GPR89B: variants seen among roughly 807,000 people sequenced by gnomAD.
GPR89B encodes the protein G protein-coupled receptor 89B.
GPR89B carries 25 observed loss-of-function variants against 52.4 expected under a neutral mutation model. The observed-to-expected ratio is 0.48, with a 90% CI of 0.35 to 0.67. The LOEUF is 0.67. Ranked by LOEUF, GPR89B falls within the 30% of genes least tolerant of loss-of-function variation. The pLI is 0.01. For missense variants in GPR89B, 146 were observed against 450.2 expected (o/e 0.32, Z 6.11); for synonymous variants, 52 against 151.2 (o/e 0.34, Z 4.81).
chr1:147,970,927 T>G (rs1657415931), intron 10 of GPR89B, among the ~76,000 whole-genome samples: 1 of 151,268 alleles, frequency 6.6e-6, no homozygotes, highest in African/African-American at 2.5e-5. Flanking sequence ...TTTGTGTTTG[T>G]GCACAGAGGA....
intron 7 of GPR89B, among the ~76,000 whole-genome samples, chr1:147,957,938 C>A (rs1401626959): frequency 1.3e-5 from 2 of 151,384 alleles, no homozygotes; most frequent in Non-Finnish European, 2.9e-5. Flanking sequence ...GTGGTGGGCG[C>A]CTGTAGTCCC....
Position 147,988,840 on chromosome 1 carries a change from T to A in GPR89B, c.1095+319T>A, listed in dbSNP as rs1437557749. Among the ~76,000 whole-genome samples, 4 of 149,688 alleles carry A rather than the reference T, an allele frequency of 2.7e-5. No homozygotes were observed. In the Admixed American group the frequency reaches 2.7e-4, roughly 10 times the overall value. On this transcript the variant is annotated intron_variant, in intron 12 of 13. Transcript: ENST00000314163. The stretch of plus-strand genomic sequence containing the variant: ...GGTCACACACTGCACTCCAGCCTGG[T>A]GAAAGAGCAACACTCCATCTCAAAA...
the GPR89B span, among the ~76,000 whole-genome samples, chr1:148,025,227 C>T: frequency 1.3e-5 from 2 of 151,576 alleles, no homozygotes; most frequent in African/African-American, 2.4e-5. Flanking sequence ...CTGTTTGACC[C>T]GCACTCTTTC....
the GPR89B span, among the ~76,000 whole-genome samples, chr1:148,008,521 T>C: frequency 2.6e-5 from 4 of 152,076 alleles, no homozygotes; most frequent in South Asian, 2.1e-4. Context: ...ACTTGCCAAA[T>C]CATGACCTAC....
the GPR89B span, among the ~76,000 whole-genome samples, chr1:148,012,581 C>T: frequency 2.7e-5 from 4 of 150,038 alleles, no homozygotes; most frequent in African/African-American, 9.9e-5. Context: ...CCCACACAGG[C>T]AAGGACAGCA....
At chr1:148,014,800 G>A in the GPR89B span, 1 of 152,150 alleles carries the variant, frequency 6.6e-6, no homozygotes, top group African/African-American at 2.4e-5. Flanking sequence ...CCTCTGCCGA[G>A]TCTGTGCACT....
intron 10 of GPR89B, among the ~76,000 whole-genome samples, chr1:147,970,529 C>CTCTCTA (rs1247289109): frequency 1.1e-4 from 16 of 141,554 alleles, no homozygotes; most frequent in South Asian, 4.3e-4. Context: ...CTCTCTCTCT[C>CTCTCTA]TCTCTATCTC....
At chr1:148,000,795 AC>A in the GPR89B span, among the ~76,000 whole-genome samples, 1,667 of 128,226 alleles carry the variant, frequency 0.013, 14 homozygotes, top group African/African-American at 0.033. Context: ...AAAAAAAAAA[AC>A]AACAACAAAA....
At chr1:148,014,355 G>A in the GPR89B span, 3 of 151,698 alleles carry the variant, frequency 2.0e-5, no homozygotes, top group Admixed American at 2.0e-4. Flanking sequence ...AAGATTCGTA[G>A]GAGGGCGGGA....
chr1:147,932,738 C>T (rs1553247241), intron 1 of GPR89B, among the ~76,000 whole-genome samples: 2 of 152,232 alleles, frequency 1.3e-5, no homozygotes, highest in Admixed American at 6.5e-5. Flanking sequence ...TTTCAGAAAA[C>T]GGGGTTCCCC....
At position 147,968,864 on chromosome 1, in the gene GPR89B, T is replaced by C. The variant is rs1441126581; in HGVS notation, c.728-11T>C. On this transcript the variant is annotated splice_polypyrimidine_tract_variant and intron_variant, in intron 8 of 13. Coordinates refer to ENST00000314163, the MANE Select transcript of GPR89B (RefSeq NM_016334.5). ...TATGTGATTAAAACCTTGATGCCCA[T>C]TCTGTGCCAGATCTTACTCTTATTC... 38 of 1,612,816 alleles carry C rather than the reference T, an allele frequency of 2.4e-5. No individual in the cohort carries two copies. In the Middle Eastern group the frequency reaches 5.0e-4, roughly 21 times the overall value.
chr1:148,021,206 A>G, the GPR89B span, among the ~76,000 whole-genome samples: 1 of 151,478 alleles, frequency 6.6e-6, no homozygotes, highest in African/African-American at 2.4e-5. Context: ...GTGCGGCTCA[A>G]GAAATGACAT....
At chr1:147,939,293 A>ATT (rs1321825897) in intron 3 of GPR89B, among the ~76,000 whole-genome samples, 1 of 150,582 alleles carries the variant, frequency 6.6e-6, no homozygotes, top group African/African-American at 2.4e-5. Flanking sequence ...GTTTGGTTGA[A>ATT]TTTAAAGTGT....
chr1:148,010,649 C>G, the GPR89B span: 1 of 152,218 alleles, frequency 6.6e-6, no homozygotes. Context: ...GTGATTGTCT[C>G]AAGGTTGAGA....
intron 7 of GPR89B, among the ~76,000 whole-genome samples, chr1:147,965,455 T>C (rs1656959562): frequency 6.6e-6 from 1 of 152,098 alleles, no homozygotes; most frequent in South Asian, 2.1e-4. Context: ...TCCTAGTTCA[T>C]TTTATGCCTG....
chr1:147,949,898 G>A lies in GPR89B; in HGVS notation c.416-3447G>A, dbSNP rs1402063380. ...CGGGCAGAGGCGCCCCTCACCTCCCGGACGGGGCGGCTGGCCGGGCGGGGG... is the reference window on the plus strand; with the variant it reads ...CGGGCAGAGGCGCCCCTCACCTCCCAGACGGGGCGGCTGGCCGGGCGGGGG... On this transcript the variant is annotated intron_variant, in intron 5 of 13. Coordinates refer to ENST00000314163, the MANE Select transcript of GPR89B (RefSeq NM_016334.5). 1.1e-4 allele frequency among the ~76,000 whole-genome samples: 13 copies of A among 119,344 alleles called. No homozygotes were observed. The South Asian group carries it at 1.4e-3, about 13-fold the overall frequency. 78.3% of individuals were successfully genotyped at this position (119,344 alleles called of 152,430 possible). A position where few individuals can be genotyped will look rare whatever the true frequency, so the allele number is the denominator to read the frequency against.
the GPR89B span, among the ~76,000 whole-genome samples, chr1:148,015,912 A>G: frequency 7.9e-5 from 12 of 152,026 alleles, no homozygotes; most frequent in African/African-American, 2.9e-4. Context: ...TTGTTACTTT[A>G]GTAATTCCCT....
chr1:147,968,902 A>C lies in GPR89B; in HGVS notation c.755A>C (p.Asp252Ala). Residue 252 changes from aspartate to alanine, a missense_variant, in exon 9 of 14, where the codon GAT (aspartate) becomes GCT (alanine). By Grantham distance (126) the Asp-to-Ala change is moderately radical (BLOSUM62 -2). Transcript: ENST00000314163. ...ENLTLIQQEVDALEELSRQLF... is the reference protein window; with the variant it reads ...ENLTLIQQEVAALEELSRQLF... ...CTTACTCTTATTCAACAGGAAGTGG[A>C]TGCTTTGGAAGAATTAAGCAGGCAG... The C allele has an allele frequency of 6.2e-7, 1 of 1,611,476 alleles. No homozygotes were observed. Among genetic ancestry groups the C allele is most frequent in the Non-Finnish European group, 8.5e-7 (1 of 1,178,344 alleles).
chr1:147,992,621 CT>C, intron 13 of GPR89B, 54 bp downstream of exon 13: 2 of 1,610,174 alleles, frequency 1.2e-6, no homozygotes, highest in Non-Finnish European at 1.7e-6. Context: ...CAGAAATGTG[CT>C]TGATACTTTT....
Sources: gnomAD v4.1 joint callset for allele counts (sites outside exome capture counted in the v4.1 genomes callset) on GRCh38, gnomAD v4.1.1 for gene constraint, MANE v1.5 for transcripts, NCBI Gene and HGNC (gene_info 2026-07-23, HGNC 2026-07-21) for gene names.